The following KCND2 variants were observed in gnomAD, a reference collection of about 807,000 sequenced individuals.
KCND2 encodes A-type voltage-gated potassium channel KCND2.
Under a neutral mutation model 54.4 loss-of-function variants are expected in KCND2, and 16 were observed. That is an observed-to-expected ratio of 0.29 (90% CI 0.20 to 0.45). The LOEUF is 0.45. Ranked by LOEUF, KCND2 falls within the 20% of genes least tolerant of loss-of-function variation. The probability of loss-of-function intolerance (pLI) is 1.00; values close to 1 mark genes in which losing one functional copy is unlikely to be tolerated. For synonymous variants in KCND2, 317 were observed against 310.7 expected (o/e 1.02, Z -0.21); for missense variants, 486 against 824.2 (o/e 0.59, Z 5.02).
intron 1 of KCND2, among the ~76,000 whole-genome samples, chr7:120,450,303 G>A (rs368922244): frequency 2.6e-5 from 4 of 152,130 alleles, no homozygotes; most frequent in Non-Finnish European, 4.4e-5. Flanking sequence ...CCAGCTACTC[G>A]GGAGGCTGAG....
At chr7:120,358,490 T>C (rs1226359731) in intron 1 of KCND2, among the ~76,000 whole-genome samples, 1 of 152,152 alleles carries the variant, frequency 6.6e-6, no homozygotes, top group Non-Finnish European at 1.5e-5. Context: ...CTTTAATGAC[T>C]TCAATTTAAG....
At chr7:120,731,132 G>T (rs1382005361) in intron 1 of KCND2, among the ~76,000 whole-genome samples, 1 of 152,186 alleles carries the variant, frequency 6.6e-6, no homozygotes, top group Non-Finnish European at 1.5e-5. Context: ...CAGTAAAGAA[G>T]AGAAAGTGTA....
intron 1 of KCND2, among the ~76,000 whole-genome samples, chr7:120,346,033 C>T (rs1045794448): frequency 2.6e-5 from 4 of 152,070 alleles, no homozygotes; most frequent in Non-Finnish European, 4.4e-5. Flanking sequence ...TGACAGTGGC[C>T]ATCCTGATAG....
At chr7:120,543,439 A>T (rs1286067781) in intron 1 of KCND2, among the ~76,000 whole-genome samples, 1 of 152,078 alleles carries the variant, frequency 6.6e-6, no homozygotes, top group East Asian at 1.9e-4. Flanking sequence ...ATATTTTAGA[A>T]TGATTTTCTC....
chr7:120,324,012 C>A (rs1799933764), intron 1 of KCND2, among the ~76,000 whole-genome samples: 4 of 146,218 alleles, frequency 2.7e-5, no homozygotes, highest in African/African-American at 7.7e-5. Flanking sequence ...GAGATGGTAT[C>A]TCATTGTGGT....
intron 4 of KCND2, among the ~76,000 whole-genome samples, chr7:120,745,106 C>T (rs1243095994): frequency 1.3e-5 from 2 of 151,968 alleles, no homozygotes; most frequent in African/African-American, 2.4e-5. Context: ...TGATGTATTA[C>T]GAAGATTACA....
intron 1 of KCND2, among the ~76,000 whole-genome samples, chr7:120,647,489 C>G (rs1017927071): frequency 5.9e-5 from 9 of 152,308 alleles, no homozygotes; most frequent in African/African-American, 2.2e-4. Context: ...CACCTTCCCC[C>G]TTGCTTTAAA....
chr7:120,633,830 A>G (rs756339203), intron 1 of KCND2, among the ~76,000 whole-genome samples: 4 of 152,200 alleles, frequency 2.6e-5, no homozygotes, highest in Non-Finnish European at 2.9e-5. Flanking sequence ...CTTTTGCACT[A>G]TGGTTAAGCA....
intron 1 of KCND2, among the ~76,000 whole-genome samples, chr7:120,707,691 T>C (rs538614975): frequency 4.6e-5 from 7 of 152,062 alleles, no homozygotes; most frequent in Non-Finnish European, 8.8e-5. Context: ...GCATGACAGA[T>C]TATGATAGGT....
chr7:120,722,426 C>A (rs1792679919), intron 1 of KCND2, among the ~76,000 whole-genome samples: 2 of 152,192 alleles, frequency 1.3e-5, no homozygotes, highest in African/African-American at 4.8e-5. Context: ...ATACCATCAT[C>A]TCAGTCAGAC....
chr7:120,347,200 C>T (rs540231232), intron 1 of KCND2, among the ~76,000 whole-genome samples: 1 of 152,188 alleles, frequency 6.6e-6, no homozygotes, highest in East Asian at 1.9e-4. Flanking sequence ...TGATGCCTTT[C>T]TTTTTATTTC....
In KCND2 at chr7:120,303,486, A is replaced by C. The variant is rs192307438; in HGVS notation, c.1115+27739A>C. Reference sequence around the variant, plus strand: ...GTATAGCATATATGCTTTCTCCTAAAGTATCATCTTAAATCATGTTTAGCC... The same window carrying C: ...GTATAGCATATATGCTTTCTCCTAACGTATCATCTTAAATCATGTTTAGCC... On this transcript the variant is annotated intron_variant, in intron 1 of 5. Coordinates refer to ENST00000331113, the MANE Select transcript of KCND2 (RefSeq NM_012281.3). Among the ~76,000 whole-genome samples the C allele has an allele frequency of 1.7e-4, 26 of 152,316 alleles. No individual in the cohort carries two copies. In the East Asian group the frequency reaches 4.8e-3, roughly 28 times the overall value.
At chr7:120,518,951 G>A (rs1475465234) in intron 1 of KCND2, among the ~76,000 whole-genome samples, 1 of 152,144 alleles carries the variant, frequency 6.6e-6, no homozygotes, top group African/African-American at 2.4e-5. Context: ...AGGAAACAGA[G>A]AGAAAGTATG....
At chr7:120,679,528 G>A (rs1260262331) in intron 1 of KCND2, among the ~76,000 whole-genome samples, 2 of 151,824 alleles carry the variant, frequency 1.3e-5, no homozygotes, top group Admixed American at 6.6e-5. Flanking sequence ...GAGACATTGG[G>A]ATTTGAAATG....
intron 1 of KCND2, among the ~76,000 whole-genome samples, chr7:120,647,801 C>A (rs1026905301): frequency 1.3e-5 from 2 of 152,176 alleles, no homozygotes; most frequent in Non-Finnish European, 2.9e-5. Context: ...GTATTATGCT[C>A]ACTGAACATG....
At chr7:120,483,501 G>A (rs1454161613) in intron 1 of KCND2, among the ~76,000 whole-genome samples, 3 of 152,116 alleles carry the variant, frequency 2.0e-5, no homozygotes, top group Non-Finnish European at 4.4e-5. Context: ...AGAGAAATCA[G>A]AAGCTAAAAA....
chr7:120,709,143 A>C (rs918220018), intron 1 of KCND2, among the ~76,000 whole-genome samples: 1 of 152,090 alleles, frequency 6.6e-6, no homozygotes, highest in Non-Finnish European at 1.5e-5. Context: ...AAGCAAGGAA[A>C]ATGTGCCATT....
chr7:120,540,284 T>C (rs188477871), intron 1 of KCND2, among the ~76,000 whole-genome samples: 28 of 152,362 alleles, frequency 1.8e-4, no homozygotes, highest in African/African-American at 5.8e-4. Flanking sequence ...GCTTACCTTA[T>C]GATATAAAAT....
At chr7:120,350,511 A>G in intron 1 of KCND2, among the ~76,000 whole-genome samples, 1 of 152,186 alleles carries the variant, frequency 6.6e-6, no homozygotes, top group East Asian at 1.9e-4. Flanking sequence ...TTAACAGTGC[A>G]CTAATGGAAA....
Sources: gnomAD v4.1 joint callset for allele counts (sites outside exome capture counted in the v4.1 genomes callset) on GRCh38, gnomAD v4.1.1 for gene constraint, MANE v1.5 for transcripts, NCBI Gene and HGNC (gene_info 2026-07-23, HGNC 2026-07-21) for gene names.